Variants in ACMSD observed in about 807,000 individuals in gnomAD.
ACMSD encodes aminocarboxymuconate semialdehyde decarboxylase, also known as 2-amino-3-carboxymuconate-6-semialdehyde decarboxylase.
A neutral mutation model predicts 45.9 loss-of-function variants in ACMSD; 37 were observed. The observed-to-expected ratio is 0.81, with a 90% confidence interval of 0.62 to 1.06. ACMSD has a LOEUF of 1.06. Ranked by LOEUF, ACMSD falls within the 50% of genes least tolerant of loss-of-function variation. ACMSD has a pLI of 0.00. For missense variants in ACMSD, 434 were observed against 420.9 expected, an observed-to-expected ratio of 1.03 and a Z score of -0.27; for synonymous variants, 138 against 148.8, an observed-to-expected ratio of 0.93 and a Z score of 0.53.
At chr2:134,853,036 G>T (rs547624448) in intron 2 of ACMSD, among the ~76,000 whole-genome samples, 56 of 151,662 alleles carry the variant, frequency 3.7e-4, no homozygotes, top group Non-Finnish European at 6.9e-4. Flanking sequence ...GGTGGCACGC[G>T]CCTGTAATCC....
At chr2:134,840,142 TA>T (rs1686715417) in intron 1 of ACMSD, among the ~76,000 whole-genome samples, 1 of 57,150 alleles carries the variant, frequency 1.7e-5, no homozygotes. Flanking sequence ...TTTGGTATTT[TA>T]AAATAGCCAT....
At chr2:134,848,036 A>G (rs1443663478) in intron 2 of ACMSD, among the ~76,000 whole-genome samples, 1 of 152,002 alleles carries the variant, frequency 6.6e-6, no homozygotes, top group African/African-American at 2.4e-5. Flanking sequence ...TTTTTAGTAG[A>G]GACAGGGTTT....
intron 6 of ACMSD, among the ~76,000 whole-genome samples, chr2:134,868,090 A>G (rs905691840): frequency 1.3e-5 from 2 of 152,204 alleles, no homozygotes; most frequent in African/African-American, 4.8e-5. Flanking sequence ...ATACCTGTCT[A>G]GTAAATTTTT....
chr2:134,886,135 A>C (rs893650763), intron 8 of ACMSD, among the ~76,000 whole-genome samples: 2 of 152,136 alleles, frequency 1.3e-5, no homozygotes, highest in African/African-American at 2.4e-5. Context: ...GATGGCCTTA[A>C]CTTTTGAAAA....
At chr2:134,862,106 C>G (rs1022033390) in intron 4 of ACMSD, 88 bp downstream of exon 4, 1 of 1,395,598 alleles carries the variant, frequency 7.2e-7, no homozygotes, top group African/African-American at 1.4e-5. Flanking sequence ...AGTTTGGACA[C>G]CAGTACCACT....
In ACMSD at chr2:134,845,775, A is replaced by G. The variant is rs192450279; in HGVS notation, c.102+498A>G. On this transcript the variant is annotated intron_variant, in intron 2 of 9. Coordinates refer to ENST00000356140, the MANE Select transcript of ACMSD (RefSeq NM_138326.3). ...GGTAAGAGGAAAAAGCAAAAAGAAG[A>G]AGGCTGTGGGCAAAGCCCTCTAGAA... Among the ~76,000 whole-genome samples the G allele has an allele frequency of 3.0e-4, 45 of 152,302 alleles. 1 individual carries two copies. Among genetic ancestry groups the G allele is most frequent in the Admixed American group, 2.1e-3 (32 of 15,288 alleles).
Position 134,838,646 on chromosome 2 carries a change from A to G in ACMSD, c.-37A>G. On this transcript the variant is annotated 5_prime_UTR_variant, in exon 1 of 10. Coordinates refer to ENST00000356140, the MANE Select transcript of ACMSD (RefSeq NM_138326.3). ...TTTCACAAAGGTCTCTTGATATCAA[A>G]ACTTCTTTCCTTGCATGCTTCTCTG... 6.3e-7 allele frequency: 1 copy of G among 1,579,472 alleles called. No individual in the cohort carries two copies. The highest frequency in any genetic ancestry group is 1.1e-5 in the South Asian group (1 of 87,566).
At chr2:134,896,930 T>C (rs766056891) in intron 8 of ACMSD, among the ~76,000 whole-genome samples, 20 of 152,134 alleles carry the variant, frequency 1.3e-4, no homozygotes, top group Non-Finnish European at 1.8e-4. Flanking sequence ...TAAACTAGTG[T>C]TTTCCAAGGG....
intron 8 of ACMSD, among the ~76,000 whole-genome samples, chr2:134,875,211 G>A (rs915322641): frequency 2.0e-5 from 3 of 152,062 alleles, no homozygotes; most frequent in South Asian, 2.1e-4. Flanking sequence ...ATGTTGCCCA[G>A]CAGGTCCTGG....
At chr2:134,878,162 G>A (rs1013221138) in intron 8 of ACMSD, among the ~76,000 whole-genome samples, 6 of 152,146 alleles carry the variant, frequency 3.9e-5, no homozygotes, top group Admixed American at 6.5e-5. Context: ...ATAAAATGGC[G>A]AGACAAGCAT....
chr2:134,899,920 C>A (rs1379476602), intron 9 of ACMSD, among the ~76,000 whole-genome samples: 1 of 152,044 alleles, frequency 6.6e-6, no homozygotes, highest in Non-Finnish European at 1.5e-5. Flanking sequence ...GAAAAAGAAT[C>A]TTTATATGCC....
rs1171881545 is a variant in ACMSD at position 134,863,544 on chromosome 2, GA to G, written c.402del (p.Glu135SerfsTer18). ...CGGTCAAGGAGATGGAGCGCTGTGTGAAAGAGCTGGGCTTTCCCGGGGTCCA... is the reference window on the plus strand; with the variant it reads ...CGGTCAAGGAGATGGAGCGCTGTGTGAAGAGCTGGGCTTTCCCGGGGTCCA... Reference protein sequence around the residue: ...LAVKEMERCVKELGFPGVQIG... With the variant: ...LAVKEMERCVXELGFPGVQIG... On this transcript the variant is annotated frameshift_variant, in exon 5 of 10. Coordinates refer to ENST00000356140, the MANE Select transcript of ACMSD (RefSeq NM_138326.3). LOFTEE classifies it high-confidence loss of function. 3 of 1,614,086 alleles carry G rather than the reference GA, an allele frequency of 1.9e-6. No homozygotes were observed. Among genetic ancestry groups the G allele is most frequent in the African/African-American group, 1.3e-5 (1 of 74,942 alleles).
intron 2 of ACMSD, among the ~76,000 whole-genome samples, chr2:134,852,655 G>T (rs1687397231): frequency 6.6e-6 from 1 of 152,138 alleles, no homozygotes; most frequent in Non-Finnish European, 1.5e-5. Context: ...TTGAAGTAGG[G>T]CCTCCCGGGG....
chr2:134,870,527 T>C (rs1436278498), intron 6 of ACMSD, among the ~76,000 whole-genome samples: 1 of 152,196 alleles, frequency 6.6e-6, no homozygotes, highest in Non-Finnish European at 1.5e-5. Flanking sequence ...ACATCATTAT[T>C]TGCAAGGCTC....
chr2:134,853,966 AATATT>A (rs1687466981), intron 2 of ACMSD, among the ~76,000 whole-genome samples: 2 of 152,296 alleles, frequency 1.3e-5, no homozygotes, highest in East Asian at 3.9e-4. Context: ...CCCATCACCA[AATATT>A]AGCCTTGTGA....
At position 134,872,526 on chromosome 2, in the gene ACMSD, A is replaced by C; in HGVS notation, c.734A>C (p.Asp245Ala). Residue 245 changes from aspartate (D) to alanine (A), a missense_variant, in exon 8 of 10, where the codon GAT becomes GCT. Physicochemically the swap from Asp to Ala is moderately radical, Grantham distance 126 (BLOSUM62 -2). Transcript: ENST00000356140. The stretch of plus-strand genomic sequence containing the variant: ...TCCCATGGATTCAGCATGCGCCCAG[A>C]TCTGTGTGCCCAGGACAACCCCATG... ...RISHGFSMRP[D>A]LCAQDNPMNP... 6.2e-7 allele frequency: 1 copy of C among 1,614,126 alleles called. No individual in the cohort carries two copies. The highest frequency in any genetic ancestry group is 8.5e-7 in the Non-Finnish European group (1 of 1,180,022).
intron 3 of ACMSD, among the ~76,000 whole-genome samples, chr2:134,859,916 T>C (rs192127877): frequency 6.6e-5 from 10 of 152,282 alleles, no homozygotes; most frequent in African/African-American, 2.4e-4. Flanking sequence ...CAAAGCTGAA[T>C]TGCTAAAAAG....
At chr2:134,864,719 T>C (rs1688016779) in intron 5 of ACMSD, among the ~76,000 whole-genome samples, 1 of 152,184 alleles carries the variant, frequency 6.6e-6, no homozygotes, top group African/African-American at 2.4e-5. Flanking sequence ...AGGTGGTGGG[T>C]ATAGGGATGC....
intron 5 of ACMSD, among the ~76,000 whole-genome samples, chr2:134,864,138 C>A (rs1256894929): frequency 6.6e-6 from 1 of 151,528 alleles, no homozygotes; most frequent in Non-Finnish European, 1.5e-5. Context: ...AGGCGTAGTG[C>A]CACACCCCTG....
Sources: gnomAD v4.1 joint callset for allele counts (sites outside exome capture counted in the v4.1 genomes callset) on GRCh38, gnomAD v4.1.1 for gene constraint, MANE v1.5 for transcripts, NCBI Gene and HGNC (gene_info 2026-07-23, HGNC 2026-07-21) for gene names.